The following ACACA variants were observed in gnomAD, a reference collection of about 807,000 sequenced individuals.
The protein encoded by ACACA is acetyl-CoA carboxylase 1.
A neutral mutation model predicts 296.1 loss-of-function variants in ACACA; 103 were observed. The observed-to-expected ratio is 0.35, with a 90% CI of 0.30 to 0.41. The LOEUF (loss-of-function observed/expected upper bound fraction) is 0.41. Ranked by LOEUF, ACACA falls within the 10% of genes least tolerant of loss-of-function variation. ACACA has a pLI of 1.00. For synonymous variants in ACACA, 953 were observed against 1,038.6 expected, an observed-to-expected ratio of 0.92 and a Z score of 1.58; for missense variants, 1,554 against 2,989.7, an observed-to-expected ratio of 0.52 and a Z score of 11.20.
chr17:37,177,383 C>G (rs900573367), intron 41 of ACACA, among the ~76,000 whole-genome samples: 2 of 151,920 alleles, frequency 1.3e-5, no homozygotes, highest in Non-Finnish European at 2.9e-5. Context: ...CATGCCCAGG[C>G]AGCTCTGTGC....
Position 37,304,006 on chromosome 17 carries a change from T to C in ACACA, c.339-19036A>G, listed in dbSNP as rs368316654. 3.7e-4 allele frequency among the ~76,000 whole-genome samples: 57 copies of C among 152,400 alleles called. 1 individual carries two copies. The East Asian group carries it at 8.7e-3, about 23-fold the overall frequency. On this transcript the variant is annotated intron_variant, in intron 3 of 55. Transcript: ENST00000616317. ...TATTTTAGGCATTCTGATAAGTGTGTAATGATATCTCATTGCTATTTTAAT... is the reference window on the plus strand; with the variant it reads ...TATTTTAGGCATTCTGATAAGTGTGCAATGATATCTCATTGCTATTTTAAT...
chr17:37,269,296 C>T (rs957084410), intron 10 of ACACA, among the ~76,000 whole-genome samples: 2 of 152,090 alleles, frequency 1.3e-5, no homozygotes, highest in Admixed American at 6.6e-5. Context: ...TTATCACTTC[C>T]TTTATCTAGT....
chr17:37,242,080 G>T (rs2145943080), intron 22 of ACACA, 27 bp from the exon 23 acceptor site: 2 of 1,584,556 alleles, frequency 1.3e-6, no homozygotes, highest in Non-Finnish European at 1.7e-6. Flanking sequence ...GGAAAAAAAT[G>T]AGGCCCAACC....
chr17:37,309,136 C>T (rs989898282), intron 3 of ACACA, among the ~76,000 whole-genome samples: 1 of 152,070 alleles, frequency 6.6e-6, no homozygotes, highest in Non-Finnish European at 1.5e-5. Context: ...GTCCTCTCGC[C>T]TCAGCCTTCC....
intron 29 of ACACA, among the ~76,000 whole-genome samples, chr17:37,213,554 T>C (rs1231726723): frequency 1.3e-5 from 2 of 152,172 alleles, no homozygotes; most frequent in Non-Finnish European, 2.9e-5. Context: ...ATTTTACAGA[T>C]GTGATAACCA....
chr17:37,298,674 T>C (rs1382404374), intron 3 of ACACA, among the ~76,000 whole-genome samples: 2 of 152,158 alleles, frequency 1.3e-5, no homozygotes, highest in Admixed American at 1.3e-4. Context: ...TTCAAGTCTT[T>C]TATGTCAATT....
chr17:37,262,361 C>T (rs1045758325), intron 11 of ACACA, among the ~76,000 whole-genome samples: 1 of 152,198 alleles, frequency 6.6e-6, no homozygotes, highest in African/African-American at 2.4e-5. Context: ...TTGCCCTCCA[C>T]ATCCCCTGTC....
At chr17:37,367,809 TGCAATCCCA>T (rs2049659868) in intron 1 of ACACA, 1 of 152,244 alleles carries the variant, frequency 6.6e-6, no homozygotes, top group Non-Finnish European at 1.5e-5. Flanking sequence ...GGTTTATGCT[TGCAATCCCA>T]ACACTGTGAG....
intron 41 of ACACA, chr17:37,163,195 C>CT (rs1491387734): frequency 4.7e-5 from 2 of 42,828 alleles, no homozygotes; most frequent in African/African-American, 5.2e-4. Flanking sequence ...TGTCACGGTG[C>CT]TAAAAAAAAA....
chr17:37,234,883 GT>G (rs1314395880), intron 25 of ACACA, 91 bp downstream of exon 25: 9 of 1,425,954 alleles, frequency 6.3e-6, no homozygotes, highest in Non-Finnish European at 6.9e-6. Flanking sequence ...AAAGGCAGTA[GT>G]TTTTTTTCTC....
At chr17:37,280,730 A>AACACACACACACACAC (rs71979048) in intron 5 of ACACA, among the ~76,000 whole-genome samples, 18 of 146,466 alleles carry the variant, frequency 1.2e-4, no homozygotes, top group African/African-American at 3.5e-4. Flanking sequence ...TTACATAGTT[A>AACACACACACACACAC]ACACACACAC....
At chr17:37,200,545 C>T (rs915942233) in intron 33 of ACACA, 62 bp from the exon 34 acceptor site, 3 of 1,469,208 alleles carry the variant, frequency 2.0e-6, no homozygotes, top group African/African-American at 2.8e-5. Context: ...TAAATTTTAT[C>T]CCATTCGGCC....
At chr17:37,107,160 G>A (rs549623695) in intron 52 of ACACA, among the ~76,000 whole-genome samples, 1 of 152,296 alleles carries the variant, frequency 6.6e-6, no homozygotes, top group Non-Finnish European at 1.5e-5. Context: ...AGTTCAACAG[G>A]TGAGAGGTGA....
intron 19 of ACACA, among the ~76,000 whole-genome samples, chr17:37,246,270 C>A (rs2080693834): frequency 6.6e-6 from 1 of 152,128 alleles, no homozygotes; most frequent in African/African-American, 2.4e-5. Flanking sequence ...AGTTAGGACA[C>A]CTAACATTCA....
At chr17:37,256,994 C>T (rs1426622936) in intron 14 of ACACA, among the ~76,000 whole-genome samples, 1 of 151,974 alleles carries the variant, frequency 6.6e-6, no homozygotes, top group East Asian at 1.9e-4. Context: ...GATAGATATT[C>T]CAAAAGATCT....
chr17:37,406,185 G>T, intron 1 of ACACA, 77 bp downstream of exon 1: 1 of 1,511,182 alleles, frequency 6.6e-7, no homozygotes, highest in South Asian at 1.1e-5. Context: ...GCAATGTCTG[G>T]CATGCAATAA....
chr17:37,352,608 A>C (rs2048958229), intron 1 of ACACA, among the ~76,000 whole-genome samples: 1 of 152,002 alleles, frequency 6.6e-6, no homozygotes, highest in African/African-American at 2.4e-5. Flanking sequence ...AGTCCCCGCT[A>C]CTTGGGAGGC....
At chr17:37,190,633 C>G (rs1014320344) in intron 38 of ACACA, among the ~76,000 whole-genome samples, 1 of 152,102 alleles carries the variant, frequency 6.6e-6, no homozygotes, top group Non-Finnish European at 1.5e-5. Context: ...AATTCTCTCC[C>G]TGTGGAAAAA....
At position 37,287,471 on chromosome 17, in the gene ACACA, C is replaced by T. The variant is rs149087735; in HGVS notation, c.339-2501G>A. ...ACAAGGCCAGGCATGGTGGCTCACA[C>T]CTGTAATCCCAGCACTTTGGGAGGC... On this transcript the variant is annotated intron_variant, in intron 3 of 55. Coordinates refer to ENST00000616317, the MANE Select transcript of ACACA (RefSeq NM_198834.3). Among the ~76,000 whole-genome samples, 138 of 151,570 alleles carry T rather than the reference C, an allele frequency of 9.1e-4. 1 individual carries two copies. The highest frequency in any genetic ancestry group is 3.3e-3 in the African/African-American group (136 of 41,294).
Sources: allele counts gnomAD v4.1 joint callset (sites outside exome capture counted in the v4.1 genomes callset), GRCh38; gene constraint gnomAD v4.1.1; transcripts MANE v1.5; gene names NCBI Gene and HGNC (gene_info 2026-07-23, HGNC 2026-07-21).